Variants in NR2C1 observed in about 807,000 individuals in gnomAD.
The protein encoded by NR2C1 is TR2 nuclear hormone receptor.
A neutral mutation model predicts 74.8 loss-of-function variants in NR2C1; 33 were observed. The ratio of observed to expected loss-of-function variants is 0.44; its 90% CI spans 0.33 to 0.59. NR2C1 has a LOEUF of 0.59. Ranked by LOEUF, NR2C1 falls within the 20% of genes least tolerant of loss-of-function variation. NR2C1 has a pLI of 0.02. For synonymous variants in NR2C1, 225 were observed against 240.6 expected (o/e 0.94, Z 0.60); for missense variants, 568 against 715.6 (o/e 0.79, Z 2.35).
chr12:95,027,597 G>A (rs1168425860), intron 12 of NR2C1, among the ~76,000 whole-genome samples: 2 of 152,138 alleles, frequency 1.3e-5, no homozygotes, highest in African/African-American at 2.4e-5. Flanking sequence ...TGAACTGGGT[G>A]TGGTGGTACA....
At chr12:95,055,875 C>A (rs757896127) in intron 7 of NR2C1, among the ~76,000 whole-genome samples, 33 of 149,774 alleles carry the variant, frequency 2.2e-4, no homozygotes, top group Non-Finnish European at 4.0e-4. Flanking sequence ...ATGGCGTGAA[C>A]CCAGGAGGCG....
chr12:95,025,658 TAAAAA>T (rs11291964), intron 12 of NR2C1, among the ~76,000 whole-genome samples: 2 of 86,564 alleles, frequency 2.3e-5, no homozygotes, highest in Non-Finnish European at 4.4e-5. Flanking sequence ...AACTCTGTCT[TAAAAA>T]AAAAAAAAAA....
chr12:95,053,844 C>T (rs894797691), intron 7 of NR2C1, among the ~76,000 whole-genome samples: 1 of 151,992 alleles, frequency 6.6e-6, no homozygotes, highest in Non-Finnish European at 1.5e-5. Flanking sequence ...CCACCATGCC[C>T]AGCTAATTTT....
In NR2C1 at chr12:95,020,596, T is replaced by C. The variant is rs1474754861; in HGVS notation, c.*1633A>G. The C allele has an allele frequency of 6.6e-6, 1 of 152,214 alleles. No individual in the cohort carries two copies. The highest frequency in any genetic ancestry group is 1.9e-4 in the East Asian group (1 of 5,204). The allele number at this position is 152,214 out of a possible 1,614,324, so 9.4% of individuals were successfully genotyped here. On this transcript the variant is annotated 3_prime_UTR_variant, in exon 14 of 14. Transcript: ENST00000333003. ...TAAGTTGATATTTTCAAACTTTTGA[T>C]TACTATAAAGTAGTAAGCAATAAAA...
chr12:95,030,621 A>C (rs1260266062), intron 11 of NR2C1: 1 of 1,612,958 alleles, frequency 6.2e-7, no homozygotes, highest in African/African-American at 1.3e-5. Context: ...TAAGGTGATT[A>C]CCCCTCTGCT....
Position 95,060,000 on chromosome 12 carries a change from A to G in NR2C1, c.286-16T>C. 1.3e-6 allele frequency: 2 copies of G among 1,549,116 alleles called. No homozygotes were observed. Among genetic ancestry groups the G allele is most frequent in the Non-Finnish European group, 1.7e-6 (2 of 1,156,730 alleles). ...CTGTTAGGAGCTAAAAAAAAAAAAA[A>G]AAAAAAAGAAAACAAAAACGAAAAC... On this transcript the variant is annotated splice_polypyrimidine_tract_variant and intron_variant, in intron 3 of 13. Transcript: ENST00000333003.
intron 1 of NR2C1, among the ~76,000 whole-genome samples, chr12:95,069,404 C>CT (rs1876235341): frequency 6.6e-6 from 1 of 152,200 alleles, no homozygotes; most frequent in South Asian, 2.1e-4. Flanking sequence ...TGTATTTTTA[C>CT]TACACCTCTT....
chr12:95,030,350 TATA>T (rs1869919337), intron 11 of NR2C1: 1 of 800,624 alleles, frequency 1.2e-6, no homozygotes, highest in South Asian at 4.2e-5. Flanking sequence ...CCAAGACTAC[TATA>T]ATAAAAACAG....
intron 10 of NR2C1, among the ~76,000 whole-genome samples, chr12:95,035,079 T>C (rs1870651732): frequency 6.6e-6 from 1 of 152,128 alleles, no homozygotes; most frequent in South Asian, 2.1e-4. Flanking sequence ...GTGCATAAAA[T>C]GGAATACTAT....
At chr12:95,061,829 T>C (rs1874827087) in intron 3 of NR2C1, among the ~76,000 whole-genome samples, 1 of 152,182 alleles carries the variant, frequency 6.6e-6, no homozygotes, top group African/African-American at 2.4e-5. Flanking sequence ...ACCACAGGCA[T>C]GTGGTGTATA....
chr12:95,048,467 T>A (rs536976030), intron 9 of NR2C1, among the ~76,000 whole-genome samples: 1 of 152,226 alleles, frequency 6.6e-6, no homozygotes, highest in Non-Finnish European at 1.5e-5. Flanking sequence ...ACTGCTATTA[T>A]AACTGACTTA....
intron 3 of NR2C1, among the ~76,000 whole-genome samples, chr12:95,061,192 G>A (rs1299332009): frequency 6.6e-6 from 1 of 152,182 alleles, no homozygotes; most frequent in Non-Finnish European, 1.5e-5. Context: ...CTAGCCAAGA[G>A]AAGCCTCAGG....
At position 95,051,834 on chromosome 12, in the gene NR2C1, A is replaced by G. The variant is rs1406546638; in HGVS notation, c.893T>C (p.Ile298Thr). 1 of 1,611,196 alleles carries G rather than the reference A, an allele frequency of 6.2e-7. No individual in the cohort carries two copies. The highest frequency in any genetic ancestry group is 8.5e-7 in the Non-Finnish European group (1 of 1,179,382). Residue 298 changes from isoleucine (I) to threonine (T), a missense_variant, in exon 8 of 14, where the codon ATT (isoleucine) becomes ACT (threonine). Ile to Thr is a moderately conservative substitution (Grantham distance 89). Transcript: ENST00000333003. The part of the protein sequence containing the change: ...LSQNSNEMSM[I>T]ESLSNDDTSL... The stretch of plus-strand genomic sequence containing the variant: ...GGTATCATCATTGCTTAAGCTTTCA[A>G]TCATAGACATTTCATTACTATTTTG...
At chr12:95,034,371 C>CA (rs1870552983) in intron 10 of NR2C1, among the ~76,000 whole-genome samples, 1 of 151,812 alleles carries the variant, frequency 6.6e-6, no homozygotes, top group South Asian at 2.1e-4. Flanking sequence ...CAATCTTAAA[C>CA]AAAATCAAAG....
At chr12:95,054,515 G>A (rs1171461528) in intron 7 of NR2C1, among the ~76,000 whole-genome samples, 1 of 151,902 alleles carries the variant, frequency 6.6e-6, no homozygotes, top group Admixed American at 6.6e-5. Flanking sequence ...TGTTTCCCAG[G>A]TTGGTCTCAA....
intron 2 of NR2C1, among the ~76,000 whole-genome samples, chr12:95,064,902 G>C (rs1875427782): frequency 6.6e-6 from 1 of 152,102 alleles, no homozygotes; most frequent in African/African-American, 2.4e-5. Flanking sequence ...ACAAAGTTCT[G>C]ATTCACTAAT....
chr12:95,031,577 C>A, intron 10 of NR2C1, 89 bp from the exon 11 acceptor site: 1 of 936,830 alleles, frequency 1.1e-6, no homozygotes, highest in Non-Finnish European at 1.5e-6. Flanking sequence ...TTAAAAACAG[C>A]ATATTACTAA....
intron 7 of NR2C1, among the ~76,000 whole-genome samples, chr12:95,053,913 G>A (rs1873447014): frequency 6.6e-6 from 1 of 152,058 alleles, no homozygotes; most frequent in Non-Finnish European, 1.5e-5. Context: ...TCGATCTCCT[G>A]ACCTCGTGAT....
chr12:95,072,179 C>T (rs1219257018), intron 1 of NR2C1, among the ~76,000 whole-genome samples: 1 of 151,040 alleles, frequency 6.6e-6, no homozygotes, highest in Non-Finnish European at 1.5e-5. Flanking sequence ...TTTGGGAGGC[C>T]GAGGCGGGTG....
Sources: gnomAD v4.1 joint callset for allele counts (sites outside exome capture counted in the v4.1 genomes callset) on GRCh38, gnomAD v4.1.1 for gene constraint, MANE v1.5 for transcripts, NCBI Gene and HGNC (gene_info 2026-07-23, HGNC 2026-07-21) for gene names.